Variants in RIC1 observed in about 807,000 individuals in gnomAD.
RIC1 encodes the protein guanine nucleotide exchange factor subunit RIC1.
A neutral mutation model predicts 169.0 loss-of-function variants in RIC1; 88 were observed. The ratio of observed to expected loss-of-function variants is 0.52; its 90% confidence interval spans 0.44 to 0.62. The LOEUF is 0.62. RIC1 is among the 20% of genes least tolerant of loss of function. RIC1 has a pLI of 0.00. For synonymous variants in RIC1, 790 were observed against 601.5 expected, an observed-to-expected ratio of 1.31 and a Z score of -4.59; for missense variants, 1,877 against 1,725.5, an observed-to-expected ratio of 1.09 and a Z score of -1.56.
chr9:5,703,492 C>T (rs1452207677), intron 3 of RIC1, among the ~76,000 whole-genome samples: 1 of 152,214 alleles, frequency 6.6e-6, no homozygotes, highest in Non-Finnish European at 1.5e-5. Flanking sequence ...CTCTTCTGCT[C>T]TCAGCCCCTA....
Position 5,775,237 on chromosome 9 carries a change from G to T in RIC1, c.*991G>T, listed in dbSNP as rs1827516991. On this transcript the variant is annotated 3_prime_UTR_variant, in exon 26 of 26. Transcript: ENST00000414202. The stretch of plus-strand genomic sequence containing the variant: ...AAATTGAATAAAGATGGACTTCTAT[G>T]TAAATAGACTGCTGAATCCTGTATT... 2 of 152,162 alleles carry T rather than the reference G, an allele frequency of 1.3e-5. No homozygotes were observed. The highest frequency in any genetic ancestry group is 6.5e-5 in the Admixed American group (1 of 15,276). 9.4% of individuals were successfully genotyped at this position (152,162 alleles called of 1,614,324 possible).
In RIC1 at chr9:5,762,126, C is replaced by G. The variant is rs570782632; in HGVS notation, c.1993-415C>G. ...TCTCACTTTCCCAATAGTTCCATGT[C>G]TTCGTTTTCCATTAGATTACCAACC... On this transcript the variant is annotated intron_variant, in intron 17 of 25. Coordinates refer to ENST00000414202, the MANE Select transcript of RIC1 (RefSeq NM_020829.4). Among the ~76,000 whole-genome samples the G allele has an allele frequency of 3.3e-5, 5 of 152,310 alleles. No homozygotes were observed. In the South Asian group the frequency reaches 1.0e-3, roughly 32 times the overall value.
At chr9:5,685,001 T>A (rs1296565164) in intron 2 of RIC1, among the ~76,000 whole-genome samples, 1 of 152,164 alleles carries the variant, frequency 6.6e-6, no homozygotes, top group Non-Finnish European at 1.5e-5. Context: ...CCTGCATTCT[T>A]GGATAAACCT....
intron 10 of RIC1, among the ~76,000 whole-genome samples, chr9:5,744,583 T>G (rs1825272400): frequency 6.6e-6 from 1 of 152,152 alleles, no homozygotes; most frequent in African/African-American, 2.4e-5. Flanking sequence ...TATATATACC[T>G]TATGCACATA....
At position 5,772,543 on chromosome 9, in the gene RIC1, CT is replaced by C. The variant is rs1827292459; in HGVS notation, c.3617-17del. The C allele has an allele frequency of 1.3e-6, 2 of 1,549,798 alleles. No homozygotes were observed. Among genetic ancestry groups the C allele is most frequent in the Non-Finnish European group, 8.7e-7 (1 of 1,149,938 alleles). ...ATTTTCTCCACGAAGTTGGTTGTAA[CT>C]TTTGGCAATTCTTCATCAGGTGATG... is the stretch of plus-strand genomic sequence containing the variant. On this transcript the variant is annotated intron_variant, in intron 23 of 25. Transcript: ENST00000414202.
chr9:5,675,889 G>T (rs913440859), intron 2 of RIC1, among the ~76,000 whole-genome samples: 10 of 152,168 alleles, frequency 6.6e-5, no homozygotes, highest in Non-Finnish European at 1.0e-4. Context: ...GCAGTCAGTG[G>T]TAAATTATTG....
intron 12 of RIC1, among the ~76,000 whole-genome samples, chr9:5,750,585 CAG>C (rs1306300911): frequency 2.0e-5 from 3 of 151,810 alleles, no homozygotes; most frequent in Admixed American, 6.5e-5. Flanking sequence ...AGGCAGGAGA[CAG>C]AGTTTTAGCA....
intron 1 of RIC1, among the ~76,000 whole-genome samples, chr9:5,649,099 C>T (rs1818671561): frequency 6.6e-6 from 1 of 151,978 alleles, no homozygotes; most frequent in African/African-American, 2.4e-5. Flanking sequence ...TGTGCCACTT[C>T]ACTCCAGCCT....
intron 2 of RIC1, among the ~76,000 whole-genome samples, chr9:5,679,664 T>C (rs551925034): frequency 8.7e-4 from 133 of 152,346 alleles, no homozygotes; most frequent in African/African-American, 3.1e-3. Context: ...TGTATAAGAA[T>C]GCTTGTGATT....
intron 3 of RIC1, among the ~76,000 whole-genome samples, chr9:5,711,689 T>A (rs893285342): frequency 4.6e-5 from 7 of 152,156 alleles, no homozygotes; most frequent in African/African-American, 1.7e-4. Context: ...ACTCGTCATT[T>A]ACATTAGGTA....
intron 2 of RIC1, among the ~76,000 whole-genome samples, chr9:5,666,264 T>C (rs148316432): frequency 1.3e-5 from 2 of 152,332 alleles, no homozygotes; most frequent in African/African-American, 2.4e-5. Flanking sequence ...TGTATGGATA[T>C]ATGTGATTTT....
chr9:5,689,890 A>C (rs888679122), intron 2 of RIC1, 69 bp from the exon 3 acceptor site: 120 of 1,072,964 alleles, frequency 1.1e-4, no homozygotes, highest in Non-Finnish European at 1.5e-4. Flanking sequence ...AGAATTTATA[A>C]AATTAAAATT....
chr9:5,643,408 A>G (rs1400389453), intron 1 of RIC1, among the ~76,000 whole-genome samples: 1 of 152,102 alleles, frequency 6.6e-6, no homozygotes, highest in Non-Finnish European at 1.5e-5. Flanking sequence ...TTAAATTTTG[A>G]TGAACTACAG....
rs757427636 is a variant in RIC1 at position 5,769,178 on chromosome 9, A to G, written c.3346A>G (p.Lys1116Glu). 1.6e-5 allele frequency: 26 copies of G among 1,614,016 alleles called. No homozygotes were observed. The highest frequency in any genetic ancestry group is 2.2e-5 in the East Asian group (1 of 44,890). The change falls in exon 22 of 26, where the codon AAA becomes GAA. Residue 1116 changes from lysine to glutamate, a missense_variant. This residue lies in a region of RIC1 where 681 missense variants were observed against 582.0 expected (regional missense o/e 1.17). Coordinates refer to ENST00000414202, the MANE Select transcript of RIC1 (RefSeq NM_020829.4). ...TGTAATAGCCCTGAAGAGACTCCAC[A>G]AAGATTTCCTGTGGCCACTTCCAAT... is the stretch of plus-strand genomic sequence containing the variant. Reference protein sequence around the residue: ...NFVIALKRLHKDFLWPLPIIP... With the variant: ...NFVIALKRLHEDFLWPLPIIP...
chr9:5,691,864 T>C (rs1455554140), intron 3 of RIC1, among the ~76,000 whole-genome samples: 3 of 152,084 alleles, frequency 2.0e-5, no homozygotes, highest in Non-Finnish European at 4.4e-5. Flanking sequence ...TTCTATTTTC[T>C]TTATTTCAGT....
rs370053489 is a variant in RIC1, at chr9:5,769,053, T to C, written c.3221T>C (p.Val1074Ala). 1 of 1,614,086 alleles carries C rather than the reference T, an allele frequency of 6.2e-7. No individual in the cohort carries two copies. Among genetic ancestry groups the C allele is most frequent in the South Asian group, 1.1e-5 (1 of 91,076 alleles). ...CATGCTCGGCGCCTCTTAGAAGATGTGAGGTTAAAGGACCTTGGCTGCTTT... is the reference window on the plus strand; with the variant it reads ...CATGCTCGGCGCCTCTTAGAAGATGCGAGGTTAAAGGACCTTGGCTGCTTT... ...WRHARRLLED[V>A]RLKDLGCFAA... Residue 1074 changes from valine to alanine, a missense_variant, in exon 22 of 26, where the codon GTG (valine) becomes GCG (alanine). Val to Ala is a moderately conservative substitution (Grantham distance 64, BLOSUM62 0). This residue lies in a region of RIC1 where 681 missense variants were observed against 582.0 expected (regional missense o/e 1.17). Transcript: ENST00000414202.
chr9:5,720,922 A>G (rs1298482564), intron 6 of RIC1, among the ~76,000 whole-genome samples, 172 bp downstream of exon 6: 1 of 152,200 alleles, frequency 6.6e-6, no homozygotes, highest in Non-Finnish European at 1.5e-5. Context: ...TGGACATGTT[A>G]AAGAAAAATA....
intron 7 of RIC1, among the ~76,000 whole-genome samples, chr9:5,732,742 A>G (rs1824446530): frequency 6.6e-6 from 1 of 152,232 alleles, no homozygotes; most frequent in African/African-American, 2.4e-5. Flanking sequence ...TACAAGTTAA[A>G]CAGAATAAAT....
intron 2 of RIC1, among the ~76,000 whole-genome samples, chr9:5,672,500 A>G (rs1030036184): frequency 4.6e-5 from 7 of 152,246 alleles, no homozygotes; most frequent in Non-Finnish European, 1.0e-4. Flanking sequence ...CTTTTGTTCC[A>G]GAAGATCAAA....
Sources: gnomAD v4.1 joint callset for allele counts (sites outside exome capture counted in the v4.1 genomes callset) on GRCh38, gnomAD v4.1.1 for gene constraint, gnomAD v4.1.1 regional missense constraint, MANE v1.5 for transcripts, NCBI Gene and HGNC (gene_info 2026-07-23, HGNC 2026-07-21) for gene names.